The following RPH3A variants were observed in gnomAD, a reference collection of about 807,000 sequenced individuals.
RPH3A encodes the protein rabphilin 3A.
RPH3A carries 48 observed loss-of-function variants against 102.2 expected under a neutral mutation model. That is an observed-to-expected ratio of 0.47 (90% confidence interval 0.37 to 0.60). The LOEUF (loss-of-function observed/expected upper bound fraction) is 0.60, where lower values mean the gene tolerates loss of function less well. RPH3A is among the 20% of genes least tolerant of loss of function. The pLI is 0.00. For missense variants in RPH3A, 781 were observed against 910.1 expected (o/e 0.86, Z 1.83); for synonymous variants, 310 against 324.3 (o/e 0.96, Z 0.47).
intron 1 of RPH3A, among the ~76,000 whole-genome samples, chr12:112,686,808 G>T (rs1007033080): frequency 7.2e-5 from 11 of 152,210 alleles, no homozygotes; most frequent in African/African-American, 2.7e-4. Flanking sequence ...GTATGCCATG[G>T]CTCTATACAT....
chr12:112,871,654 T>G (rs1448362582), intron 10 of RPH3A, among the ~76,000 whole-genome samples: 2 of 151,672 alleles, frequency 1.3e-5, no homozygotes, highest in East Asian at 1.9e-4. Flanking sequence ...AATGGAACAC[T>G]GGGCATAAAT....
At chr12:112,865,624 T>C (rs2042599417) in intron 6 of RPH3A, 81 bp downstream of exon 6, 20 of 1,471,950 alleles carry the variant, frequency 1.4e-5, no homozygotes, top group Non-Finnish European at 1.8e-5. Context: ...TAGGGGTCAC[T>C]GGGTCTTGGG....
intron 1 of RPH3A, among the ~76,000 whole-genome samples, chr12:112,595,759 T>C (rs2039512006): frequency 6.6e-6 from 1 of 152,328 alleles, no homozygotes; most frequent in South Asian, 2.1e-4. Flanking sequence ...TCTTAGTGCA[T>C]ATGTGGCATC....
At chr12:112,698,960 C>G (rs1180801935) in intron 1 of RPH3A, among the ~76,000 whole-genome samples, 5 of 144,908 alleles carry the variant, frequency 3.5e-5, no homozygotes, top group Non-Finnish European at 7.5e-5. Context: ...GGGTCTTGCT[C>G]TGTTGCCCAG....
intron 4 of RPH3A, among the ~76,000 whole-genome samples, chr12:112,844,121 G>A (rs2042191812): frequency 6.6e-6 from 1 of 152,204 alleles, no homozygotes; most frequent in Admixed American, 6.5e-5. Flanking sequence ...CCCACCTCTT[G>A]GTGTTCATGC....
At chr12:112,861,247 C>T (rs1164812937) in intron 5 of RPH3A, among the ~76,000 whole-genome samples, 2 of 152,194 alleles carry the variant, frequency 1.3e-5, no homozygotes, top group Non-Finnish European at 2.9e-5. Context: ...AATTGAAGTC[C>T]AGAGAGGCAA....
intron 1 of RPH3A, among the ~76,000 whole-genome samples, chr12:112,672,307 A>G (rs2040138690): frequency 1.3e-5 from 2 of 152,318 alleles, no homozygotes; most frequent in South Asian, 2.1e-4. Flanking sequence ...GCTCACCCAC[A>G]TTACAGAGGG....
At chr12:112,631,527 T>G (rs887100891) in intron 1 of RPH3A, among the ~76,000 whole-genome samples, 4 of 152,130 alleles carry the variant, frequency 2.6e-5, no homozygotes, top group Non-Finnish European at 5.9e-5. Context: ...TAAAAATTTT[T>G]TTTTTGAGAC....
chr12:112,786,560 G>C (rs2041053410), intron 1 of RPH3A, among the ~76,000 whole-genome samples: 1 of 152,162 alleles, frequency 6.6e-6, no homozygotes, highest in African/African-American at 2.4e-5. Context: ...AGGGAGTGAG[G>C]AAGGCATGGA....
At chr12:112,848,668 G>A (rs1232383799) in intron 5 of RPH3A, among the ~76,000 whole-genome samples, 1 of 152,192 alleles carries the variant, frequency 6.6e-6, no homozygotes, top group Non-Finnish European at 1.5e-5. Flanking sequence ...GGGGCTCAGA[G>A]GGTGGGGATA....
chr12:112,626,622 T>C (rs2039768658), intron 1 of RPH3A, among the ~76,000 whole-genome samples: 2 of 148,620 alleles, frequency 1.3e-5, no homozygotes, highest in Non-Finnish European at 3.0e-5. Context: ...GACTGTAAAC[T>C]AGTTCAACCA....
intron 1 of RPH3A, among the ~76,000 whole-genome samples, chr12:112,768,655 A>G (rs964781911): frequency 6.6e-6 from 1 of 152,204 alleles, no homozygotes; most frequent in Non-Finnish European, 1.5e-5. Flanking sequence ...GCTAATGCCT[A>G]TAATCTCAGC....
intron 2 of RPH3A, among the ~76,000 whole-genome samples, chr12:112,815,498 G>A (rs1355545940): frequency 1.3e-5 from 2 of 152,088 alleles, no homozygotes; most frequent in Non-Finnish European, 2.9e-5. Flanking sequence ...TTTGTGAAAT[G>A]CCCCTCAGAT....
At chr12:112,669,551 G>T (rs2136008430) in intron 1 of RPH3A, among the ~76,000 whole-genome samples, 1 of 152,266 alleles carries the variant, frequency 6.6e-6, no homozygotes, top group Admixed American at 6.5e-5. Flanking sequence ...CAAGGAAATA[G>T]AGTAAAAAGT....
intron 1 of RPH3A, among the ~76,000 whole-genome samples, chr12:112,616,290 G>A (rs1470779691): frequency 1.3e-5 from 2 of 152,154 alleles, no homozygotes; most frequent in African/African-American, 4.8e-5. Context: ...GGGATTACAG[G>A]CACCTGCCAC....
chr12:112,646,558 C>G (rs955359625), intron 1 of RPH3A, among the ~76,000 whole-genome samples: 3 of 152,332 alleles, frequency 2.0e-5, no homozygotes, highest in Admixed American at 2.0e-4. Context: ...TCCCAGCCAC[C>G]TCTCATGGCC....
intron 1 of RPH3A, among the ~76,000 whole-genome samples, chr12:112,613,357 G>T (rs552521299): frequency 2.0e-5 from 3 of 152,016 alleles, no homozygotes; most frequent in African/African-American, 7.3e-5. Flanking sequence ...GTGGCCTCGC[G>T]GTTCTAAGAA....
intron 1 of RPH3A, among the ~76,000 whole-genome samples, chr12:112,680,283 C>T (rs750352975): frequency 1.3e-5 from 2 of 152,082 alleles, no homozygotes; most frequent in African/African-American, 4.8e-5. Context: ...AAGATCACTG[C>T]GATTACAGGG....
chr12:112,709,443 A>G (rs181188747), intron 1 of RPH3A, among the ~76,000 whole-genome samples: 307 of 151,966 alleles, frequency 2.0e-3, no homozygotes, highest in Non-Finnish European at 2.9e-3. Flanking sequence ...CCAGCTACTC[A>G]GGAGGCTGAG....
Sources: gnomAD v4.1 joint callset for allele counts (sites outside exome capture counted in the v4.1 genomes callset) on GRCh38, gnomAD v4.1.1 for gene constraint, MANE v1.5 for transcripts, NCBI Gene and HGNC (gene_info 2026-07-23, HGNC 2026-07-21) for gene names.